The following ACSL1 variants were observed in gnomAD, a reference collection of about 807,000 sequenced individuals.
ACSL1 encodes the protein long-chain-fatty-acid--CoA ligase 1.
ACSL1 carries 41 observed loss-of-function variants against 98.4 expected under a neutral mutation model. The ratio of observed to expected loss-of-function variants is 0.42; its 90% CI spans 0.32 to 0.54. The LOEUF (loss-of-function observed/expected upper bound fraction) is 0.54. ACSL1 is among the 20% of genes least tolerant of loss of function. The pLI is 0.13. For missense variants in ACSL1, 734 were observed against 883.1 expected, an observed-to-expected ratio of 0.83 and a Z score of 2.14; for synonymous variants, 316 against 322.7, an observed-to-expected ratio of 0.98 and a Z score of 0.22.
At chr4:184,784,437 A>T (rs962254693) in intron 3 of ACSL1, among the ~76,000 whole-genome samples, 2 of 152,216 alleles carry the variant, frequency 1.3e-5, no homozygotes, top group African/African-American at 4.8e-5. Flanking sequence ...ATAATTCTTT[A>T]TGTGTCCAAA....
intron 1 of ACSL1, among the ~76,000 whole-genome samples, chr4:184,820,268 C>T (rs191858076): frequency 1.2e-3 from 186 of 151,954 alleles, no homozygotes; most frequent in Admixed American, 3.2e-3. Flanking sequence ...CCGCCCACCT[C>T]GGCCTCCCAA....
At chr4:184,774,151 T>TA (rs1241770667) in intron 7 of ACSL1, among the ~76,000 whole-genome samples, 5 of 152,134 alleles carry the variant, frequency 3.3e-5, no homozygotes, top group African/African-American at 7.2e-5. Context: ...TAGGATGTAT[T>TA]AAAAAAACAG....
At chr4:184,778,651 T>C (rs929694950) in intron 5 of ACSL1, among the ~76,000 whole-genome samples, 1 of 152,192 alleles carries the variant, frequency 6.6e-6, no homozygotes, top group African/African-American at 2.4e-5. Flanking sequence ...ACGTGGTACC[T>C]CAGGAAGAGA....
chr4:184,818,744 T>C (rs1418553200), intron 1 of ACSL1, among the ~76,000 whole-genome samples: 1 of 152,084 alleles, frequency 6.6e-6, no homozygotes, highest in East Asian at 1.9e-4. Context: ...AAGCCAGATA[T>C]GCACTCATGA....
intron 11 of ACSL1, among the ~76,000 whole-genome samples, chr4:184,768,712 GT>G (rs1342277566): frequency 1.3e-5 from 2 of 152,166 alleles, no homozygotes; most frequent in Non-Finnish European, 2.9e-5. Flanking sequence ...GACCACAGAG[GT>G]TCTACTCTTT....
At chr4:184,810,008 G>C (rs1388877753) in intron 1 of ACSL1, among the ~76,000 whole-genome samples, 2 of 152,122 alleles carry the variant, frequency 1.3e-5, no homozygotes, top group Non-Finnish European at 2.9e-5. Flanking sequence ...TGTGCTACTA[G>C]TGAAAAAATT....
chr4:184,808,666 G>A (rs1224667179), intron 1 of ACSL1: 3 of 202,932 alleles, frequency 1.5e-5, no homozygotes, highest in Non-Finnish European at 2.6e-5. Flanking sequence ...CAGGCCATTT[G>A]CTGCTCTTTC....
chr4:184,821,990 G>A (rs993661261), intron 1 of ACSL1, among the ~76,000 whole-genome samples: 132 of 152,292 alleles, frequency 8.7e-4, no homozygotes, highest in Non-Finnish European at 1.0e-4. Context: ...AAGTATGTAT[G>A]ACTCTTAAAA....
In ACSL1 at chr4:184,770,488, G is replaced by A. The variant is rs764329641; in HGVS notation, c.916-12C>T. The A allele has an allele frequency of 2.5e-5, 37 of 1,486,302 alleles. No homozygotes were observed. In the South Asian group the frequency reaches 3.9e-4, roughly 16 times the overall value. 92.1% of individuals were successfully genotyped at this position (1,486,302 alleles called of 1,614,324 possible). ...GGATTGACTGTATTCTGTAAGCAAA[G>A]ACACCAGCAAGGCAGAAAAGCATTA... On this transcript the variant is annotated splice_polypyrimidine_tract_variant and intron_variant, in intron 10 of 20. Coordinates refer to ENST00000281455, the MANE Select transcript of ACSL1 (RefSeq NM_001995.5).
intron 1 of ACSL1, among the ~76,000 whole-genome samples, chr4:184,824,416 G>A (rs576145091): frequency 9.7e-4 from 147 of 152,202 alleles, no homozygotes; most frequent in African/African-American, 1.9e-3. Context: ...GAGCCACCAC[G>A]CCTGTCTGGG....
rs561498226 is a variant in ACSL1 at position 184,766,289 on chromosome 4, G to T, written c.1264-303C>A. Among the ~76,000 whole-genome samples, 2 of 152,162 alleles carry T rather than the reference G, an allele frequency of 1.3e-5. No homozygotes were observed. Among genetic ancestry groups the T allele is most frequent in the South Asian group, 4.1e-4 (2 of 4,828 alleles). ...CAACTACCACAATTCTGGCCTTCTG[G>T]GGGGCATGATATTGTTACACGTTAT... On this transcript the variant is annotated intron_variant, in intron 13 of 20. Coordinates refer to ENST00000281455, the MANE Select transcript of ACSL1 (RefSeq NM_001995.5). This position sits in a 1 kb window ranked among gnomAD's most constrained non-coding sequence, Gnocchi z 4.8.
intron 1 of ACSL1, among the ~76,000 whole-genome samples, chr4:184,819,969 G>C (rs146786122): frequency 0.017 from 2,593 of 152,254 alleles, 91 homozygotes; most frequent in African/African-American, 0.058. Context: ...AGAATAAGCA[G>C]AACTGCTGAC....
At chr4:184,798,048 G>A (rs567882260) in intron 2 of ACSL1, among the ~76,000 whole-genome samples, 1 of 152,340 alleles carries the variant, frequency 6.6e-6, no homozygotes, top group East Asian at 1.9e-4. Flanking sequence ...GCCAGCATGT[G>A]ACCTGGAGGT....
intron 3 of ACSL1, 141 bp from the exon 4 acceptor site, chr4:184,784,132 T>G: frequency 1.5e-6 from 1 of 656,214 alleles, no homozygotes. Context: ...TGGCTTCAGA[T>G]TGGAAATGTT....
At chr4:184,767,604 AC>A (rs746902597) in intron 12 of ACSL1, among the ~76,000 whole-genome samples, 13 of 152,212 alleles carry the variant, frequency 8.5e-5, no homozygotes, top group Non-Finnish European at 1.6e-4. Flanking sequence ...AGTACTCAAA[AC>A]CTTTGAATTA....
rs891562323 is a variant in ACSL1, at chr4:184,799,876, G to C, written c.195+3444C>G. Reference sequence around the variant, plus strand: ...AATAAATAAACAAACAAACAAGCCTGCTCCTGGGTTTAGAGGCTCAAGCCA... The same window carrying C: ...AATAAATAAACAAACAAACAAGCCTCCTCCTGGGTTTAGAGGCTCAAGCCA... On this transcript the variant is annotated intron_variant, in intron 2 of 20. Coordinates refer to ENST00000281455, the MANE Select transcript of ACSL1 (RefSeq NM_001995.5). Among the ~76,000 whole-genome samples, 3 of 152,028 alleles carry C rather than the reference G, an allele frequency of 2.0e-5. No homozygotes were observed. The East Asian group carries it at 5.8e-4, about 29-fold the overall frequency.
At position 184,765,962 on chromosome 4, in the gene ACSL1, G is replaced by A. The variant is rs1201244904; in HGVS notation, c.1288C>T (p.Leu430=). Residue 430 remains leucine, a synonymous_variant, in exon 14 of 21, where the codon CTG becomes TTG. Coordinates refer to ENST00000281455, the MANE Select transcript of ACSL1 (RefSeq NM_001995.5). ...ACCGGGGCGGCTCCTGTCACCATCA[G>A]CCGGACTCTTCCGCCCAGGCTCGAC... is the stretch of plus-strand genomic sequence containing the variant. The part of the protein sequence containing the change: ...VQSSLGGRVR[L]MVTGAAPVSA... 1.9e-6 allele frequency: 3 copies of A among 1,613,928 alleles called. No homozygotes were observed. Among genetic ancestry groups the A allele is most frequent in the South Asian group, 1.1e-5 (1 of 91,072 alleles).
Position 184,764,943 on chromosome 4 carries a change from G to C in ACSL1, c.1360-18C>G. The C allele has an allele frequency of 6.2e-7, 1 of 1,611,904 alleles. No homozygotes were observed. The highest frequency in any genetic ancestry group is 8.5e-7 in the Non-Finnish European group (1 of 1,178,990). On this transcript the variant is annotated intron_variant, in intron 14 of 20. Coordinates refer to ENST00000281455, the MANE Select transcript of ACSL1 (RefSeq NM_001995.5). ...TCATAAAACTGGGGCACCAAGAGAT[G>C]CAACATTATTAAGGAGAGCACAATC...
In ACSL1 at chr4:184,765,949, C is replaced by G; in HGVS notation, c.1301G>C (p.Gly434Ala). The change falls in exon 14 of 21, where the codon GGA (glycine) becomes GCA (alanine). Residue 434 changes from glycine (G) to alanine (A), a missense_variant. Coordinates refer to ENST00000281455, the MANE Select transcript of ACSL1 (RefSeq NM_001995.5). ...LGGRVRLMVT[G>A]AAPVSATVLT... is the part of the protein sequence containing the mutation. ...CACAGTGGCAGACACCGGGGCGGCT[C>G]CTGTCACCATCAGCCGGACTCTTCC... 1 of 1,614,036 alleles carries G rather than the reference C, an allele frequency of 6.2e-7. No homozygotes were observed. Among genetic ancestry groups the G allele is most frequent in the Non-Finnish European group, 8.5e-7 (1 of 1,180,004 alleles).
Sources: gnomAD v4.1 joint callset for allele counts (sites outside exome capture counted in the v4.1 genomes callset) on GRCh38, gnomAD v4.1.1 for gene constraint, Gnocchi (gnomAD v3.1) non-coding constraint, MANE v1.5 for transcripts, NCBI Gene and HGNC (gene_info 2026-07-23, HGNC 2026-07-21) for gene names.